The following PCDHA3 variants were observed in gnomAD, a reference collection of about 807,000 sequenced individuals.
The protein encoded by PCDHA3 is protocadherin alpha 3.
PCDHA3 carries 41 observed loss-of-function variants against 62.2 expected under a neutral mutation model. That is an observed-to-expected ratio of 0.66 (90% CI 0.51 to 0.86). The LOEUF (loss-of-function observed/expected upper bound fraction) is 0.86, where lower values mean the gene tolerates loss of function less well. Ranked by LOEUF, PCDHA3 falls within the 40% of genes least tolerant of loss-of-function variation. The pLI is 0.00. For missense variants in PCDHA3, 1,304 were observed against 1,241.2 expected (o/e 1.05, Z -0.76); for synonymous variants, 640 against 555.4 (o/e 1.15, Z -2.14).
intron 1 of PCDHA3, chr5:140,809,347 G>T (rs1554125161): frequency 6.2e-7 from 1 of 1,614,054 alleles, no homozygotes; most frequent in South Asian, 1.1e-5. Flanking sequence ...TGTACACCGC[G>T]CTGCGGTGCT....
chr5:140,934,511 T>G (rs999288213), intron 1 of PCDHA3, among the ~76,000 whole-genome samples: 1 of 152,210 alleles, frequency 6.6e-6, no homozygotes. Context: ...AAAGGGTCCA[T>G]AGACCACACT....
chr5:140,871,302 G>T lies in PCDHA3; in HGVS notation c.2394+67711G>T, dbSNP rs2052939724. ...CGCCCACTGAGGGCGCGTGCGCGCCGGGGAAGCCCACGCTGGTGTGCTCCC... is the reference window on the plus strand; with the variant it reads ...CGCCCACTGAGGGCGCGTGCGCGCCTGGGAAGCCCACGCTGGTGTGCTCCC... On this transcript the variant is annotated intron_variant, in intron 1 of 3. Coordinates refer to ENST00000522353, the MANE Select transcript of PCDHA3 (RefSeq NM_018906.3). 1.9e-6 allele frequency: 3 copies of T among 1,613,974 alleles called. 1 individual carries two copies. Among genetic ancestry groups the T allele is most frequent in the South Asian group, 2.2e-5 (2 of 91,078 alleles).
chr5:140,889,662 C>T (rs1397086074), intron 1 of PCDHA3, among the ~76,000 whole-genome samples: 1 of 151,946 alleles, frequency 6.6e-6, no homozygotes, highest in Admixed American at 6.6e-5. Context: ...GTCCTCTTCC[C>T]AGCCTTTTAT....
In PCDHA3 at chr5:140,884,465, G is replaced by A. The variant is rs782791774; in HGVS notation, c.2394+80874G>A. 8.1e-6 allele frequency: 13 copies of A among 1,613,634 alleles called. No homozygotes were observed. In the South Asian group the frequency reaches 9.9e-5, roughly 12 times the overall value. ...GGCACCGCCCACCGAGGGCGCGTGCGCGCCGGGCAAGCCCACTCTAGTGTG... is the reference window on the plus strand; with the variant it reads ...GGCACCGCCCACCGAGGGCGCGTGCACGCCGGGCAAGCCCACTCTAGTGTG... On this transcript the variant is annotated intron_variant, in intron 1 of 3. Coordinates refer to ENST00000522353, the MANE Select transcript of PCDHA3 (RefSeq NM_018906.3).
At chr5:140,851,412 A>G in intron 1 of PCDHA3, 2 of 962,264 alleles carry the variant, frequency 2.1e-6, no homozygotes, top group East Asian at 1.1e-4. Context: ...TAAGAAAGAA[A>G]CTTCCCCTAA....
intron 1 of PCDHA3, among the ~76,000 whole-genome samples, chr5:140,888,737 A>T (rs1468383652): frequency 6.6e-6 from 1 of 152,036 alleles, no homozygotes; most frequent in Non-Finnish European, 1.5e-5. Context: ...TGTGAGCTCT[A>T]GGAATTATTC....
intron 1 of PCDHA3, among the ~76,000 whole-genome samples, chr5:140,957,285 G>GT (rs1554222913): frequency 6.6e-6 from 1 of 152,144 alleles, no homozygotes; most frequent in Non-Finnish European, 1.5e-5. Flanking sequence ...CTTACCTGCA[G>GT]TTTCACTCTG....
chr5:140,901,249 C>T (rs1554189685), intron 1 of PCDHA3, among the ~76,000 whole-genome samples: 1 of 151,994 alleles, frequency 6.6e-6, no homozygotes, highest in Admixed American at 6.6e-5. Flanking sequence ...TCCTTTGGTT[C>T]CCTGTGATTG....
chr5:140,920,847 A>G (rs1410435400), intron 1 of PCDHA3, among the ~76,000 whole-genome samples: 1 of 152,028 alleles, frequency 6.6e-6, no homozygotes, highest in Non-Finnish European at 1.5e-5. Flanking sequence ...AATCTAAAAA[A>G]AAAAAAAAAA....
At chr5:140,920,184 AAT>A (rs782376164) in intron 1 of PCDHA3, among the ~76,000 whole-genome samples, 19 of 152,348 alleles carry the variant, frequency 1.2e-4, no homozygotes, top group East Asian at 9.6e-4. Context: ...AGTGTGTAGT[AAT>A]TTGTCACAGC....
chr5:140,807,100 A>T, intron 1 of PCDHA3: 1 of 1,409,032 alleles, frequency 7.1e-7, no homozygotes, highest in Non-Finnish European at 9.7e-7. Flanking sequence ...AATATGGAGG[A>T]TGCAGCTGCA....
intron 1 of PCDHA3, among the ~76,000 whole-genome samples, chr5:140,901,839 A>G (rs578262204): frequency 6.6e-6 from 1 of 152,226 alleles, no homozygotes; most frequent in Admixed American, 6.5e-5. Context: ...TAAACATGCA[A>G]TATCTTTCCA....
chr5:140,829,000 G>A, intron 1 of PCDHA3: 1 of 1,613,886 alleles, frequency 6.2e-7, no homozygotes, highest in Non-Finnish European at 8.5e-7. Context: ...GAGAAATAGT[G>A]ATTCGGGGTA....
chr5:140,856,809 A>G lies in PCDHA3; in HGVS notation c.2394+53218A>G, dbSNP rs782118456. 11 of 1,594,544 alleles carry G rather than the reference A, an allele frequency of 6.9e-6. No homozygotes were observed. The African/African-American group carries it at 1.3e-4, about 20-fold the overall frequency. ...TATGAAGTTAAGATGTATGAAAATCAAGTGAACCAAACATTAGTAATACGG... is the reference window on the plus strand; with the variant it reads ...TATGAAGTTAAGATGTATGAAAATCGAGTGAACCAAACATTAGTAATACGG... On this transcript the variant is annotated intron_variant, in intron 1 of 3. Coordinates refer to ENST00000522353, the MANE Select transcript of PCDHA3 (RefSeq NM_018906.3).
chr5:140,839,527 C>T (rs1390318368), intron 1 of PCDHA3, among the ~76,000 whole-genome samples: 1 of 151,932 alleles, frequency 6.6e-6, no homozygotes. Context: ...GTTGCTGGGA[C>T]TATAGGCACA....
chr5:140,938,485 T>C (rs2092087482), intron 1 of PCDHA3, among the ~76,000 whole-genome samples: 2 of 152,170 alleles, frequency 1.3e-5, no homozygotes, highest in African/African-American at 4.8e-5. Context: ...TTAAAAATCA[T>C]GAATAGGCAT....
At chr5:140,944,846 G>A (rs269554) in intron 1 of PCDHA3, among the ~76,000 whole-genome samples, 33,882 of 151,952 alleles carry the variant, frequency 0.22, 4,860 homozygotes, top group African/African-American at 0.41. Context: ...TGAGATATTA[G>A]AATCATCCTT....
chr5:140,977,890 A>C (rs1554238866), intron 1 of PCDHA3, among the ~76,000 whole-genome samples: 3 of 152,234 alleles, frequency 2.0e-5, no homozygotes, highest in Non-Finnish European at 4.4e-5. Flanking sequence ...AGGAAAATAC[A>C]AAATACAACT....
At chr5:140,999,526 C>G (rs1429753507) in intron 3 of PCDHA3, among the ~76,000 whole-genome samples, 1 of 152,026 alleles carries the variant, frequency 6.6e-6, no homozygotes, top group Non-Finnish European at 1.5e-5. Context: ...TTTGTTACCC[C>G]CTGGATATGA....
Sources: gnomAD v4.1 joint callset for allele counts (sites outside exome capture counted in the v4.1 genomes callset) on GRCh38, gnomAD v4.1.1 for gene constraint, MANE v1.5 for transcripts, NCBI Gene and HGNC (gene_info 2026-07-23, HGNC 2026-07-21) for gene names.